The following FRMD4A variants were observed in gnomAD, a reference collection of about 807,000 sequenced individuals.
The protein encoded by FRMD4A is FERM domain containing 4A.
A neutral mutation model predicts 129.1 loss-of-function variants in FRMD4A; 29 were observed. The ratio of observed to expected loss-of-function variants is 0.22; its 90% CI spans 0.17 to 0.31. FRMD4A has a LOEUF of 0.31. Among genes scored for constraint, FRMD4A ranks in the 10% least tolerant of loss-of-function variants. The pLI, the probability that FRMD4A is intolerant of heterozygous loss-of-function variation, is 1.00. For synonymous variants in FRMD4A, 634 were observed against 571.6 expected, an observed-to-expected ratio of 1.11 and a Z score of -1.56; for missense variants, 1,272 against 1,375.8, an observed-to-expected ratio of 0.92 and a Z score of 1.19.
chr10:14,125,440 C>A (rs1235705465), intron 2 of FRMD4A, among the ~76,000 whole-genome samples: 1 of 152,124 alleles, frequency 6.6e-6, no homozygotes, highest in African/African-American at 2.4e-5. Flanking sequence ...GACACAGTCA[C>A]CCTGCCAAGC....
At chr10:14,100,095 C>A (rs1564290567) in intron 2 of FRMD4A, among the ~76,000 whole-genome samples, 1 of 152,220 alleles carries the variant, frequency 6.6e-6, no homozygotes, top group Non-Finnish European at 1.5e-5. Context: ...TTGCAGTCAG[C>A]TCAGCAAACC....
chr10:13,884,166 ACT>A (rs1209589746), intron 2 of FRMD4A, among the ~76,000 whole-genome samples: 66 of 44,888 alleles, frequency 1.5e-3, no homozygotes, highest in African/African-American at 3.8e-3. Context: ...TCACACACAC[ACT>A]CACACACTCA....
intron 2 of FRMD4A, among the ~76,000 whole-genome samples, chr10:13,864,394 T>C (rs796071609): frequency 1.7e-4 from 26 of 149,658 alleles, no homozygotes; most frequent in African/African-American, 6.1e-4. Flanking sequence ...TTACTGAGAA[T>C]AGTTGCTCTT....
intron 3 of FRMD4A, among the ~76,000 whole-genome samples, chr10:13,835,325 A>T (rs1238827171): frequency 6.6e-6 from 1 of 152,222 alleles, no homozygotes; most frequent in Non-Finnish European, 1.5e-5. Flanking sequence ...TAATGGTTGT[A>T]TGCCTGGCAT....
intron 2 of FRMD4A, among the ~76,000 whole-genome samples, chr10:13,954,924 C>T (rs1021124044): frequency 6.6e-6 from 1 of 152,134 alleles, no homozygotes; most frequent in African/African-American, 2.4e-5. Context: ...GGCACATTAT[C>T]TTTAAAAGCA....
chr10:13,731,086 T>C (rs988643878), intron 12 of FRMD4A, among the ~76,000 whole-genome samples: 1 of 152,056 alleles, frequency 6.6e-6, no homozygotes, highest in Non-Finnish European at 1.5e-5. Flanking sequence ...TCATCACTGC[T>C]GAGCCAAGAC....
At chr10:13,759,697 T>A (rs550556104) in intron 8 of FRMD4A, among the ~76,000 whole-genome samples, 1 of 152,276 alleles carries the variant, frequency 6.6e-6, no homozygotes, top group East Asian at 1.9e-4. Flanking sequence ...AAATAAAAAT[T>A]GTAACAAGAT....
chr10:13,913,052 A>G (rs1343845521), intron 2 of FRMD4A, among the ~76,000 whole-genome samples: 1 of 151,028 alleles, frequency 6.6e-6, no homozygotes, highest in Non-Finnish European at 1.5e-5. Context: ...TAGCCTGGGT[A>G]AGAAGAGTAA....
chr10:14,100,654 C>T (rs925983459), intron 2 of FRMD4A, among the ~76,000 whole-genome samples: 1 of 151,886 alleles, frequency 6.6e-6, no homozygotes, highest in Non-Finnish European at 1.5e-5. Context: ...CCAATCTGTT[C>T]AAGATTGTTG....
chr10:13,663,548 A>G, intron 18 of FRMD4A, 39 bp from the exon 19 acceptor site: 1 of 1,026,574 alleles, frequency 9.7e-7, no homozygotes, highest in Non-Finnish European at 1.6e-6. Flanking sequence ...AGTTCAGCAC[A>G]TTCCTTCAGC....
At chr10:14,034,499 A>T (rs551792917) in intron 2 of FRMD4A, among the ~76,000 whole-genome samples, 3 of 152,192 alleles carry the variant, frequency 2.0e-5, no homozygotes, top group Non-Finnish European at 4.4e-5. Context: ...CATGAGGTGA[A>T]TATATACAGT....
intron 2 of FRMD4A, among the ~76,000 whole-genome samples, chr10:14,211,446 C>G (rs1287153442): frequency 6.6e-6 from 1 of 152,196 alleles, no homozygotes; most frequent in Non-Finnish European, 1.5e-5. Context: ...CTCCTTAAGG[C>G]ACGCATCACT....
At position 13,694,052 on chromosome 10, in the gene FRMD4A, G is replaced by A. The variant is rs778152375; in HGVS notation, c.976-13C>T. 4.7e-6 allele frequency: 7 copies of A among 1,504,072 alleles called. No individual in the cohort carries two copies. The highest frequency in any genetic ancestry group is 4.2e-5 in the African/African-American group (3 of 71,132). 93.2% of individuals were successfully genotyped at this position (1,504,072 alleles called of 1,614,324 possible). A position where few individuals can be genotyped will look rare whatever the true frequency, so the allele number is the denominator to read the frequency against. ...CATGGATTTTGGACTGGAATGGAAA[G>A]GGAAGCAGGTCAAAGAAGTGACGCT... On this transcript the variant is annotated splice_polypyrimidine_tract_variant and intron_variant, in intron 14 of 24. Transcript: ENST00000357447.
At chr10:13,811,785 C>G (rs1241953888) in intron 3 of FRMD4A, among the ~76,000 whole-genome samples, 1 of 151,966 alleles carries the variant, frequency 6.6e-6, no homozygotes. Flanking sequence ...TCTAAACTAG[C>G]TTCCAGGTCA....
intron 4 of FRMD4A, 36 bp downstream of exon 4, chr10:13,810,778 T>C (rs764211895): frequency 8.9e-7 from 1 of 1,126,626 alleles, no homozygotes; most frequent in Non-Finnish European, 1.3e-6. Flanking sequence ...GCACTGACTC[T>C]CCCTTCGGGC....
At chr10:14,327,753 C>T (rs1843335557) in intron 2 of FRMD4A, among the ~76,000 whole-genome samples, 2 of 152,218 alleles carry the variant, frequency 1.3e-5, no homozygotes, top group South Asian at 4.1e-4. Flanking sequence ...AATCCACCAA[C>T]CTGGTATCAG....
chr10:14,162,714 C>T (rs1332117822), intron 2 of FRMD4A, among the ~76,000 whole-genome samples: 2 of 131,278 alleles, frequency 1.5e-5, no homozygotes, highest in African/African-American at 3.0e-5. Context: ...TTTTATTTAA[C>T]TGGATTCCTG....
intron 12 of FRMD4A, among the ~76,000 whole-genome samples, chr10:13,736,429 A>G (rs1052395953): frequency 3.3e-5 from 5 of 152,166 alleles, no homozygotes; most frequent in African/African-American, 1.2e-4. Context: ...CCGCAAAACA[A>G]CACTCCCTCC....
chr10:13,805,048 G>A (rs528344742), intron 4 of FRMD4A, among the ~76,000 whole-genome samples: 1 of 152,262 alleles, frequency 6.6e-6, no homozygotes, highest in South Asian at 2.1e-4. Flanking sequence ...AATTTATTTT[G>A]TATGTAAACT....
Sources: allele counts gnomAD v4.1 joint callset (sites outside exome capture counted in the v4.1 genomes callset), GRCh38; gene constraint gnomAD v4.1.1; transcripts MANE v1.5; gene names NCBI Gene and HGNC (gene_info 2026-07-23, HGNC 2026-07-21).